CADM2: variants seen among roughly 807,000 people sequenced by gnomAD.
CADM2 encodes the protein cell adhesion molecule 2, also known as immunoglobulin superfamily member 4D.
Under a neutral mutation model 49.8 loss-of-function variants are expected in CADM2, and 12 were observed. The ratio of observed to expected loss-of-function variants is 0.24; its 90% CI spans 0.15 to 0.39. The LOEUF (loss-of-function observed/expected upper bound fraction) is 0.39. CADM2 is among the 10% of genes least tolerant of loss of function. The probability of loss-of-function intolerance (pLI) is 1.00; values close to 1 mark genes in which losing one functional copy is unlikely to be tolerated. For synonymous variants in CADM2, 214 were observed against 175.4 expected (o/e 1.22, Z -1.74); for missense variants, 378 against 492.3 (o/e 0.77, Z 2.20).
At chr3:85,443,887 A>G (rs2037322195) in intron 1 of CADM2, among the ~76,000 whole-genome samples, 1 of 152,138 alleles carries the variant, frequency 6.6e-6, no homozygotes. Flanking sequence ...TTCGGTTGCC[A>G]TCTACTCAGG....
intron 1 of CADM2, among the ~76,000 whole-genome samples, chr3:85,279,889 T>C (rs2043459401): frequency 6.6e-6 from 1 of 151,710 alleles, no homozygotes; most frequent in African/African-American, 2.4e-5. Flanking sequence ...TTATTAGTTT[T>C]TTGCTATTAA....
intron 1 of CADM2, among the ~76,000 whole-genome samples, chr3:85,573,500 C>A (rs980348596): frequency 5.9e-5 from 9 of 152,044 alleles, no homozygotes; most frequent in African/African-American, 1.4e-4. Flanking sequence ...CCGCTCCCAG[C>A]CTATATATAA....
chr3:85,896,459 A>G (rs1263216507), intron 5 of CADM2, among the ~76,000 whole-genome samples: 6 of 152,146 alleles, frequency 3.9e-5, no homozygotes, highest in African/African-American at 1.4e-4. Flanking sequence ...TAAAATAGCC[A>G]TTTCTCATGA....
intron 1 of CADM2, among the ~76,000 whole-genome samples, chr3:85,696,622 A>G (rs966512489): frequency 1.1e-4 from 16 of 152,040 alleles, no homozygotes; most frequent in African/African-American, 3.6e-4. Flanking sequence ...GTTAGTAATG[A>G]AAATTCTTAG....
rs76565305 is a variant in CADM2 at position 85,599,388 on chromosome 3, T to C, written c.62-127134T>C. Among the ~76,000 whole-genome samples the C allele has an allele frequency of 2.3e-3, 353 of 152,118 alleles. 3 individuals carry two copies. In the East Asian group the frequency reaches 0.056, roughly 24 times the overall value. On this transcript the variant is annotated intron_variant, in intron 1 of 9. Coordinates refer to ENST00000383699, the MANE Select transcript of CADM2 (RefSeq NM_001167675.2). Reference sequence around the variant, plus strand: ...GGAATGGATCTTAAAGATCGTCTGGTACTATCCTATCATTTCACATAGTGT... The same window carrying C: ...GGAATGGATCTTAAAGATCGTCTGGCACTATCCTATCATTTCACATAGTGT...
intron 1 of CADM2, among the ~76,000 whole-genome samples, chr3:85,072,023 TC>T (rs1363453651): frequency 5.3e-5 from 8 of 151,298 alleles, no homozygotes; most frequent in African/African-American, 1.9e-4. Context: ...AAATTAGCTT[TC>T]ATAGCATCAT....
Position 85,730,594 on chromosome 3 carries a change from C to T in CADM2, c.88+4046C>T, listed in dbSNP as rs528258505. On this transcript the variant is annotated intron_variant, in intron 2 of 9. Transcript: ENST00000383699. ...GTCTATCCTACATTTGTATATCATG[C>T]TGAATTTTAACAAGATCATCACTGC... 1.1e-4 allele frequency among the ~76,000 whole-genome samples: 17 copies of T among 152,196 alleles called. No individual in the cohort carries two copies. In the East Asian group the frequency reaches 3.1e-3, roughly 28 times the overall value.
intron 1 of CADM2, among the ~76,000 whole-genome samples, chr3:85,087,579 T>G (rs2037428845): frequency 6.6e-6 from 1 of 152,120 alleles, no homozygotes; most frequent in Non-Finnish European, 1.5e-5. Flanking sequence ...TTTTAAGAAA[T>G]AAAGCAAAAT....
intron 1 of CADM2, among the ~76,000 whole-genome samples, chr3:85,021,116 CAAAA>C (rs5850660): frequency 1.4e-4 from 12 of 85,988 alleles, no homozygotes; most frequent in Non-Finnish European, 2.5e-4. Context: ...GACCCTGTCT[CAAAA>C]AAAAAAAAAA....
At chr3:85,321,970 T>C (rs2044624466) in intron 1 of CADM2, among the ~76,000 whole-genome samples, 1 of 152,236 alleles carries the variant, frequency 6.6e-6, no homozygotes, top group South Asian at 2.1e-4. Flanking sequence ...ATTGCTAACG[T>C]CATTTTTGCC....
intron 8 of CADM2, among the ~76,000 whole-genome samples, chr3:85,966,961 T>C (rs1725553489): frequency 6.6e-6 from 1 of 151,688 alleles, no homozygotes; most frequent in South Asian, 2.1e-4. Context: ...ATAGAGAATA[T>C]TACTGCTAGA....
At position 86,073,012 on chromosome 3, in the gene CADM2, G is replaced by A. The variant is rs1034346028; in HGVS notation, c.*6229G>A. 6.6e-5 allele frequency: 10 copies of A among 151,988 alleles called. No individual in the cohort carries two copies. The highest frequency in any genetic ancestry group is 1.2e-4 in the Non-Finnish European group (8 of 67,940). The allele number at this position is 151,988 out of a possible 1,614,324, so 9.4% of individuals were successfully genotyped here. A position where few individuals can be genotyped will look rare whatever the true frequency, so the allele number is the denominator to read the frequency against. ...GTTAAGTCATCACCCAAGGATTTAT[G>A]AATTTGAGATTACTGACCTGTTTTC... On this transcript the variant is annotated 3_prime_UTR_variant, in exon 10 of 10. Coordinates refer to ENST00000383699, the MANE Select transcript of CADM2 (RefSeq NM_001167675.2).
chr3:84,986,825 G>C (rs1001154794), intron 1 of CADM2, among the ~76,000 whole-genome samples: 123 of 151,836 alleles, frequency 8.1e-4, no homozygotes, highest in Non-Finnish European at 1.3e-3. Context: ...CTTGAGGCGG[G>C]TGGATCACCT....
At chr3:85,415,609 T>C (rs1296838950) in intron 1 of CADM2, among the ~76,000 whole-genome samples, 1 of 152,164 alleles carries the variant, frequency 6.6e-6, no homozygotes, top group African/African-American at 2.4e-5. Context: ...GTAGTATACT[T>C]GAAAAGAAAT....
chr3:85,588,560 T>C (rs977735440), intron 1 of CADM2, among the ~76,000 whole-genome samples: 2 of 152,108 alleles, frequency 1.3e-5, no homozygotes, highest in South Asian at 4.1e-4. Context: ...ATTTGAGAAC[T>C]GCCAATACGT....
intron 2 of CADM2, among the ~76,000 whole-genome samples, chr3:85,746,287 A>G (rs2107842431): frequency 6.6e-6 from 1 of 152,300 alleles, no homozygotes; most frequent in Non-Finnish European, 1.5e-5. Context: ...ATTTCTAGAA[A>G]CATACCTGTT....
chr3:85,655,304 G>T (rs1460066400), intron 1 of CADM2, among the ~76,000 whole-genome samples: 1 of 151,982 alleles, frequency 6.6e-6, no homozygotes, highest in African/African-American at 2.4e-5. Context: ...GGGACTCCAG[G>T]CATCCGCCAC....
At chr3:85,462,879 A>T (rs1391619442) in intron 1 of CADM2, among the ~76,000 whole-genome samples, 1 of 152,126 alleles carries the variant, frequency 6.6e-6, no homozygotes, top group Non-Finnish European at 1.5e-5. Flanking sequence ...ATTACTGAAA[A>T]AAGGTCTCAG....
chr3:85,408,630 A>G (rs1396817407), intron 1 of CADM2, among the ~76,000 whole-genome samples: 1 of 152,186 alleles, frequency 6.6e-6, no homozygotes, highest in African/African-American at 2.4e-5. Context: ...TAAGTGACAG[A>G]GATATCCCTC....
Sources: allele counts gnomAD v4.1 joint callset (sites outside exome capture counted in the v4.1 genomes callset), GRCh38; gene constraint gnomAD v4.1.1; transcripts MANE v1.5; gene names NCBI Gene and HGNC (gene_info 2026-07-23, HGNC 2026-07-21).